The following GMEB1 variants were observed in gnomAD, a reference collection of about 807,000 sequenced individuals.
GMEB1 encodes the protein glucocorticoid modulatory element binding protein 1.
GMEB1 carries 6 observed loss-of-function variants against 52.4 expected under a neutral mutation model. The observed-to-expected ratio is 0.11, with a 90% CI of 0.06 to 0.23. The LOEUF is 0.23. Among genes scored for constraint, GMEB1 ranks in the 10% least tolerant of loss-of-function variants. The pLI is 1.00. For synonymous variants in GMEB1, 255 were observed against 244.9 expected (o/e 1.04, Z -0.38); for missense variants, 486 against 685.6 (o/e 0.71, Z 3.25).
At chr1:28,691,746 C>G in intron 4 of GMEB1, 37 bp downstream of exon 4, 1 of 1,330,386 alleles carries the variant, frequency 7.5e-7, no homozygotes, top group East Asian at 2.8e-5. Context: ...AAATTTGGGA[C>G]TCCTTGTTCT....
chr1:28,680,463 G>T (rs905286402), intron 1 of GMEB1, among the ~76,000 whole-genome samples: 10 of 151,968 alleles, frequency 6.6e-5, no homozygotes, highest in African/African-American at 2.4e-4. Flanking sequence ...CTGGCCAGGC[G>T]CAGTGGCTCA....
intron 2 of GMEB1, among the ~76,000 whole-genome samples, chr1:28,687,654 G>A (rs1049923401): frequency 6.6e-6 from 1 of 151,974 alleles, no homozygotes; most frequent in Non-Finnish European, 1.5e-5. Context: ...TAATCTGGTG[G>A]GAATGTAGAA....
chr1:28,705,564 C>G (rs1020084733), intron 8 of GMEB1, among the ~76,000 whole-genome samples: 46 of 150,854 alleles, frequency 3.0e-4, no homozygotes, highest in African/African-American at 1.1e-3. Context: ...ATTCTCCTGC[C>G]TTAGACTCCT....
chr1:28,706,103 G>A (rs1282994015), intron 8 of GMEB1, among the ~76,000 whole-genome samples: 2 of 151,922 alleles, frequency 1.3e-5, no homozygotes, highest in South Asian at 2.1e-4. Context: ...GCAGTGAGCC[G>A]AGATAGCGCC....
At position 28,710,550 on chromosome 1, in the gene GMEB1, C is replaced by A; in HGVS notation, c.899C>A (p.Thr300Lys). Reference protein sequence around the residue: ...DAAVLNNVAHTFGLMDTVKKV... With the variant: ...DAAVLNNVAHKFGLMDTVKKV... ...GCTGTTCTCAACAATGTAGCACACA[C>A]ATTTGGCCTAATGGACACAGTCAAG... is the stretch of plus-strand genomic sequence containing the variant. Residue 300 changes from threonine to lysine, a missense_variant, in exon 9 of 10, where the codon ACA becomes AAA. Coordinates refer to ENST00000373816, the MANE Select transcript of GMEB1 (RefSeq NM_001319674.2). 6.2e-7 allele frequency: 1 copy of A among 1,610,476 alleles called. No homozygotes were observed. Among genetic ancestry groups the A allele is most frequent in the African/African-American group, 1.3e-5 (1 of 74,880 alleles).
At chr1:28,705,880 C>T (rs1282890454) in intron 8 of GMEB1, among the ~76,000 whole-genome samples, 2 of 150,348 alleles carry the variant, frequency 1.3e-5, no homozygotes, top group African/African-American at 2.4e-5. Flanking sequence ...TTCGGCCGGG[C>T]GCGGTGGCTC....
chr1:28,671,753 T>A (rs929632606), intron 1 of GMEB1, among the ~76,000 whole-genome samples: 8 of 150,658 alleles, frequency 5.3e-5, no homozygotes, highest in African/African-American at 1.9e-4. Flanking sequence ...CACTAAAAAA[T>A]AAATAAATAA....
Position 28,718,416 on chromosome 1 carries a change from A to T in GMEB1, c.*3643A>T, listed in dbSNP as rs1037132511. 1 of 152,190 alleles carries T rather than the reference A, an allele frequency of 6.6e-6. No individual in the cohort carries two copies. Among genetic ancestry groups the T allele is most frequent in the East Asian group, 1.9e-4 (1 of 5,192 alleles). 9.4% of individuals were successfully genotyped at this position (152,190 alleles called of 1,614,324 possible). On this transcript the variant is annotated 3_prime_UTR_variant, in exon 10 of 10. Transcript: ENST00000373816. The stretch of plus-strand genomic sequence containing the variant: ...AGTTTAAGACTAGCCTGGTCAACAT[A>T]GCCAGACCCCATCTCTATAAAAAAA...
At chr1:28,674,582 T>C (rs1168363811) in intron 1 of GMEB1, among the ~76,000 whole-genome samples, 1 of 151,746 alleles carries the variant, frequency 6.6e-6, no homozygotes, top group East Asian at 2.0e-4. Context: ...TTAGTAGAGA[T>C]GGGGTTTCTC....
rs1671250534 is a variant in GMEB1, at chr1:28,715,564, C to A, written c.*791C>A. The A allele has an allele frequency of 1.4e-5, 2 of 146,260 alleles. No homozygotes were observed. The highest frequency in any genetic ancestry group is 3.0e-5 in the Non-Finnish European group (2 of 67,500). 9.1% of individuals were successfully genotyped at this position (146,260 alleles called of 1,614,324 possible). ...GTTGCAGTGAGCCAAGATCGCACCA[C>A]TGCACTCCAGCCTGGGCAACAAGAG... On this transcript the variant is annotated 3_prime_UTR_variant, in exon 10 of 10. Coordinates refer to ENST00000373816, the MANE Select transcript of GMEB1 (RefSeq NM_001319674.2).
Position 28,702,557 on chromosome 1 carries a change from G to C in GMEB1, c.718G>C (p.Glu240Gln). ...ATEEGVKKDS[E>Q]EISEDTLMFW... ...GGAGGAGGGTGTAAAGAAAGACTCA[G>C]AGGAAATTTCAGGTATTCTTCTATA... The change falls in exon 7 of 10, where the codon GAG becomes CAG. Residue 240 changes from glutamate to glutamine, a missense_variant. Glu to Gln is a conservative substitution (Grantham distance 29). Around this residue, in one of 5 missense-constraint regions of GMEB1, gnomAD observed 200 missense variants for 253.5 expected, o/e 0.79. Transcript: ENST00000373816. The C allele has an allele frequency of 6.8e-6, 11 of 1,613,578 alleles. No individual in the cohort carries two copies. Among genetic ancestry groups the C allele is most frequent in the African/African-American group, 1.3e-5 (1 of 75,020 alleles).
chr1:28,697,408 A>G (rs912353376), intron 6 of GMEB1, among the ~76,000 whole-genome samples: 4 of 151,778 alleles, frequency 2.6e-5, no homozygotes, highest in Non-Finnish European at 4.4e-5. Flanking sequence ...GGGTTTCTCC[A>G]TGTTGATCAT....
chr1:28,705,208 G>T (rs974670957), intron 8 of GMEB1, among the ~76,000 whole-genome samples: 1 of 151,088 alleles, frequency 6.6e-6, no homozygotes, highest in Admixed American at 6.6e-5. Flanking sequence ...GGCCAACATG[G>T]TGAAAACCTG....
chr1:28,693,992 G>A (rs932992061), intron 5 of GMEB1, among the ~76,000 whole-genome samples: 8 of 151,686 alleles, frequency 5.3e-5, no homozygotes, highest in African/African-American at 1.2e-4. Flanking sequence ...ATTTATATGA[G>A]TATATACTAT....
intron 2 of GMEB1, among the ~76,000 whole-genome samples, chr1:28,684,300 A>G (rs1039173792): frequency 6.6e-6 from 1 of 152,022 alleles, no homozygotes; most frequent in African/African-American, 2.4e-5. Context: ...GCAGTGGCTC[A>G]CGCCTGTAAT....
At chr1:28,684,631 A>G (rs1464266285) in intron 2 of GMEB1, among the ~76,000 whole-genome samples, 1 of 152,008 alleles carries the variant, frequency 6.6e-6, no homozygotes, top group Non-Finnish European at 1.5e-5. Flanking sequence ...CACCAAACCA[A>G]CACAGGAACA....
chr1:28,711,619 G>C (rs779614835), intron 9 of GMEB1, among the ~76,000 whole-genome samples: 13 of 152,072 alleles, frequency 8.5e-5, no homozygotes, highest in Admixed American at 2.0e-4. Flanking sequence ...ACCGTGCCCA[G>C]CTGTTTTGTA....
intron 1 of GMEB1, among the ~76,000 whole-genome samples, chr1:28,674,162 A>AG (rs1235172672): frequency 6.6e-6 from 1 of 151,522 alleles, no homozygotes; most frequent in African/African-American, 2.4e-5. Flanking sequence ...AAAAAAAAAA[A>AG]AAGTTAATGA....
Position 28,687,331 on chromosome 1 carries a change from ATC to A in GMEB1, c.129-2770_129-2769del, listed in dbSNP as rs1437846841. On this transcript the variant is annotated intron_variant, in intron 2 of 9. Coordinates refer to ENST00000373816, the MANE Select transcript of GMEB1 (RefSeq NM_001319674.2). ...AGCCTGGGCAACAGAATGAGACCCT[ATC>A]TCACACACACACACACACACACACA... Among the ~76,000 whole-genome samples, 738 of 112,022 alleles carry A rather than the reference ATC, an allele frequency of 6.6e-3. 15 individuals carry two copies. The highest frequency in any genetic ancestry group is 0.025 in the East Asian group (79 of 3,224). The allele number at this position is 112,022 out of a possible 152,430, so 73.5% of individuals were successfully genotyped here.
Sources: gnomAD v4.1 joint callset for allele counts (sites outside exome capture counted in the v4.1 genomes callset) on GRCh38, gnomAD v4.1.1 for gene constraint, gnomAD v4.1.1 regional missense constraint, MANE v1.5 for transcripts, NCBI Gene and HGNC (gene_info 2026-07-23, HGNC 2026-07-21) for gene names.